The following HAS3 variants were observed in gnomAD, a reference collection of about 807,000 sequenced individuals.
The protein encoded by HAS3 is hyaluronan synthase 3, also known as HA synthase 3.
In HAS3, 27 loss-of-function variants were observed where a neutral mutation model predicts 50.3. That is an observed-to-expected ratio of 0.54 (90% CI 0.40 to 0.74). The LOEUF is 0.74. HAS3 is among the 30% of genes least tolerant of loss of function. HAS3 has a pLI of 0.00. For missense variants in HAS3, 517 were observed against 742.8 expected, an observed-to-expected ratio of 0.70 and a Z score of 3.53; for synonymous variants, 339 against 310.9, an observed-to-expected ratio of 1.09 and a Z score of -0.95.
the HAS3 span, among the ~76,000 whole-genome samples, chr16:69,090,015 T>C: frequency 6.6e-6 from 1 of 152,238 alleles, no homozygotes; most frequent in Non-Finnish European, 1.5e-5. Context: ...GCTCCAAGTC[T>C]GCTGGGTCGC....
In HAS3 at chr16:69,109,566, C is replaced by A. The variant is rs758169789; in HGVS notation, c.171C>A (p.Leu57=). ...LYGAILGLHL[L]IQSLFAFLEH... is the part of the protein sequence containing the mutation. ...GCGCCATCCTGGGCCTGCACCTGCTCATTCAGAGCCTTTTTGCCTTCCTGG... is the reference window on the plus strand; with the variant it reads ...GCGCCATCCTGGGCCTGCACCTGCTAATTCAGAGCCTTTTTGCCTTCCTGG... The change falls in exon 2 of 4, where the codon CTC becomes CTA. Residue 57 remains leucine, a synonymous_variant. Coordinates refer to ENST00000569188, the MANE Select transcript of HAS3 (RefSeq NM_001199280.2). The surrounding 1 kb of genome is among the most constrained non-coding windows in gnomAD (Gnocchi z 5.3). The A allele has an allele frequency of 1.9e-6, 3 of 1,613,764 alleles. No homozygotes were observed. Among genetic ancestry groups the A allele is most frequent in the South Asian group, 2.2e-5 (2 of 91,086 alleles).
Position 69,109,474 on chromosome 16 carries a change from G to T in HAS3, c.79G>T (p.Ala27Ser), listed in dbSNP as rs1433457861. 6.2e-7 allele frequency: 1 copy of T among 1,613,716 alleles called. No individual in the cohort carries two copies. The highest frequency in any genetic ancestry group is 1.6e-4 in the Middle Eastern group (1 of 6,062). The change falls in exon 2 of 4, where the codon GCA (alanine) becomes TCA (serine). Residue 27 changes from alanine to serine, a missense_variant. Physicochemically the swap from Ala to Ser is moderately conservative, Grantham distance 99. Coordinates refer to ENST00000569188, the MANE Select transcript of HAS3 (RefSeq NM_001199280.2). This position sits in a 1 kb window ranked among gnomAD's most constrained non-coding sequence, Gnocchi z 5.3. Reference protein sequence around the residue: ...FALAVLGGILAAYVTGYQFIH... With the variant: ...FALAVLGGILSAYVTGYQFIH... ...CCTGGCAGTGCTGGGTGGCATCCTG[G>T]CAGCCTATGTGACGGGCTACCAGTT... is the stretch of plus-strand genomic sequence containing the variant.
chr16:69,101,114 C>T (rs773169168), upstream of HAS3, among the ~76,000 whole-genome samples: 22 of 152,154 alleles, frequency 1.4e-4, no homozygotes, highest in Non-Finnish European at 2.9e-4. Flanking sequence ...TTGCAATCTA[C>T]TCCTATCTTG....
At chr16:69,084,228 T>G in the HAS3 span, 8 of 152,418 alleles carry the variant, frequency 5.2e-5, no homozygotes, top group Admixed American at 5.2e-4. Flanking sequence ...CAGGGCTAAA[T>G]CTGGTCCTCT....
At chr16:69,112,090 C>T (rs1035701772) in intron 2 of HAS3, among the ~76,000 whole-genome samples, 1 of 152,242 alleles carries the variant, frequency 6.6e-6, no homozygotes, top group Non-Finnish European at 1.5e-5. Flanking sequence ...GTGGGGAAAC[C>T]CAGGCAGCAC....
chr16:69,107,775 T>C lies in HAS3; in HGVS notation c.1-1621T>C. 4.5e-6 allele frequency: 4 copies of C among 885,442 alleles called. No individual in the cohort carries two copies. The highest frequency in any genetic ancestry group is 5.4e-6 in the Non-Finnish European group (4 of 738,636). 54.8% of individuals were successfully genotyped at this position (885,442 alleles called of 1,614,324 possible). On this transcript the variant is annotated intron_variant, in intron 1 of 3. Coordinates refer to ENST00000569188, the MANE Select transcript of HAS3 (RefSeq NM_001199280.2). The surrounding 1 kb of genome is among the most constrained non-coding windows in gnomAD (Gnocchi z 5.5). The stretch of plus-strand genomic sequence containing the variant: ...ACTCCTGGGCCGCAGGCGCGAGCAG[T>C]AGGGTGGCAACAGGGAGGGCTGGGA...
At chr16:69,112,335 T>G (rs1961032860) in intron 2 of HAS3, among the ~76,000 whole-genome samples, 1 of 152,180 alleles carries the variant, frequency 6.6e-6, no homozygotes, top group African/African-American at 2.4e-5. Context: ...TGTAAGGATA[T>G]GCCTGGTGGG....
In HAS3 at chr16:69,115,015, C is replaced by T. The variant is rs765950426; in HGVS notation, c.1411C>T (p.Arg471Ter). Reference protein sequence around the residue: ...INKSGWGTSGRKTIVVNFIGL... With the variant: ...INKSGWGTSG ...CAAATCTGGCTGGGGCACCTCTGGC[C>T]GAAAAACCATTGTGGTGAACTTCAT... Residue 471 changes from arginine (R) to a stop codon, truncating the protein, a stop_gained, in exon 4 of 4, where the codon CGA becomes TGA. Coordinates refer to ENST00000569188, the MANE Select transcript of HAS3 (RefSeq NM_001199280.2). LOFTEE classifies it high-confidence loss of function. 1.9e-6 allele frequency: 3 copies of T among 1,614,018 alleles called. No individual in the cohort carries two copies. Among genetic ancestry groups the T allele is most frequent in the Non-Finnish European group, 2.5e-6 (3 of 1,180,040 alleles).
chr16:69,118,121 T>TCCCCCCCC, downstream of HAS3: 2 of 462,568 alleles, frequency 4.3e-6, no homozygotes, highest in Non-Finnish European at 3.9e-6. Flanking sequence ...CTTCCCTTCA[T>TCCCCCCCC]CCCCCACCCC....
chr16:69,102,418 C>G (rs1400658271), upstream of HAS3, among the ~76,000 whole-genome samples: 1 of 152,134 alleles, frequency 6.6e-6, no homozygotes, highest in Non-Finnish European at 1.5e-5. Context: ...TTAAAGAAAC[C>G]CCTCCCCACC....
At chr16:69,093,758 G>C in the HAS3 span, among the ~76,000 whole-genome samples, 1 of 152,020 alleles carries the variant, frequency 6.6e-6, no homozygotes, top group Admixed American at 6.6e-5. Flanking sequence ...TCGAACTCCC[G>C]ACCTCAGGTG....
chr16:69,117,755 C>A, downstream of HAS3: 1 of 483,692 alleles, frequency 2.1e-6, no homozygotes, highest in Non-Finnish European at 2.7e-6. Flanking sequence ...AGGTGGGACT[C>A]AAGACCTGGG....
chr16:69,114,561 C>G lies in HAS3; in HGVS notation c.957C>G (p.His319Gln). 1.2e-6 allele frequency: 2 copies of G among 1,614,108 alleles called. No individual in the cohort carries two copies. The highest frequency in any genetic ancestry group is 1.1e-5 in the South Asian group (1 of 91,082). ...AGTGCAGCTTCGGGGATGACCGGCA[C>G]CTCACCAACCGAGTCCTGAGCCTTG... ...GSKCSFGDDRHLTNRVLSLGY... is the reference protein window; with the variant it reads ...GSKCSFGDDRQLTNRVLSLGY... The change falls in exon 4 of 4, where the codon CAC becomes CAG. Residue 319 changes from histidine (H) to glutamine (Q), a missense_variant. Coordinates refer to ENST00000569188, the MANE Select transcript of HAS3 (RefSeq NM_001199280.2). This position sits in a 1 kb window ranked among gnomAD's most constrained non-coding sequence, Gnocchi z 6.4.
rs1597099162 is a variant in HAS3, at chr16:69,114,480, C to T, written c.876C>T (p.Asn292=). Reference sequence around the variant, plus strand: ...GTGGGCCCTTGGGCATGTACCGCAACAGCCTCCTCCAGCAGTTCCTGGAGG... The same window carrying T: ...GTGGGCCCTTGGGCATGTACCGCAATAGCCTCCTCCAGCAGTTCCTGGAGG... The part of the protein sequence containing the change: ...CISGPLGMYR[N]SLLQQFLEDW... The change falls in exon 4 of 4, where the codon AAC becomes AAT. Residue 292 remains asparagine, a synonymous_variant. Transcript: ENST00000569188. The surrounding 1 kb of genome is among the most constrained non-coding windows in gnomAD (Gnocchi z 6.4). 2 of 1,614,022 alleles carry T rather than the reference C, an allele frequency of 1.2e-6. No homozygotes were observed. Among genetic ancestry groups the T allele is most frequent in the East Asian group, 4.5e-5 (2 of 44,886 alleles).
chr16:69,100,548 A>G, the HAS3 span, among the ~76,000 whole-genome samples: 1 of 152,238 alleles, frequency 6.6e-6, no homozygotes, highest in South Asian at 2.1e-4. Context: ...TGAAGCGTTA[A>G]GGGCAGAGGG....
At chr16:69,084,482 A>G in the HAS3 span, 2 of 152,344 alleles carry the variant, frequency 1.3e-5, no homozygotes, top group Admixed American at 6.5e-5. Flanking sequence ...GAATGCCTAG[A>G]CAATGGGTTC....
chr16:69,087,332 C>G, the HAS3 span, among the ~76,000 whole-genome samples: 1 of 152,242 alleles, frequency 6.6e-6, no homozygotes, highest in African/African-American at 2.4e-5. Context: ...GGCTTCTGCC[C>G]AAGCTTCAAC....
the HAS3 span, among the ~76,000 whole-genome samples, chr16:69,098,446 T>A: frequency 2.0e-5 from 3 of 152,072 alleles, no homozygotes; most frequent in Admixed American, 6.5e-5. Flanking sequence ...TCTCTCTGTG[T>A]TGTCCAGGCT....
chr16:69,089,014 A>AT, the HAS3 span, among the ~76,000 whole-genome samples: 1 of 152,080 alleles, frequency 6.6e-6, no homozygotes, highest in African/African-American at 2.4e-5. Flanking sequence ...AGCCCTTTTC[A>AT]TGCCACCCCC....
Sources: allele counts gnomAD v4.1 joint callset (sites outside exome capture counted in the v4.1 genomes callset), GRCh38; gene constraint gnomAD v4.1.1; non-coding constraint Gnocchi (gnomAD v3.1); transcripts MANE v1.5; gene names NCBI Gene and HGNC (gene_info 2026-07-23, HGNC 2026-07-21).